WDR86: variants seen among roughly 807,000 people sequenced by gnomAD.
WDR86 encodes WD repeat-containing protein 86.
Under a neutral mutation model 36.5 loss-of-function variants are expected in WDR86, and 30 were observed. The observed-to-expected ratio is 0.82, with a 90% CI of 0.61 to 1.11. The LOEUF is 1.11. Among genes scored for constraint, WDR86 ranks in the 50% most tolerant of loss-of-function variants. The pLI is 0.00. For synonymous variants in WDR86, 255 were observed against 252.9 expected, an observed-to-expected ratio of 1.01 and a Z score of -0.08; for missense variants, 545 against 561.2, an observed-to-expected ratio of 0.97 and a Z score of 0.29.
intron 1 of WDR86, among the ~76,000 whole-genome samples, chr7:151,400,812 G>A (rs1490693407): frequency 1.3e-5 from 2 of 152,246 alleles, no homozygotes; most frequent in East Asian, 1.9e-4. Flanking sequence ...TGGCGACTGC[G>A]CCGTCAACAC....
At chr7:151,384,841 C>T (rs1339269120) in intron 4 of WDR86, among the ~76,000 whole-genome samples, 1 of 152,192 alleles carries the variant, frequency 6.6e-6, no homozygotes, top group South Asian at 2.1e-4. Context: ...TGACCCTAGA[C>T]CCTCCCAGCA....
Position 151,381,795 on chromosome 7 carries a change from A to T in WDR86, c.967-49T>A. 1 of 1,127,652 alleles carries T rather than the reference A, an allele frequency of 8.9e-7. No homozygotes were observed. The highest frequency in any genetic ancestry group is 1.2e-6 in the Non-Finnish European group (1 of 837,522). The allele number at this position is 1,127,652 out of a possible 1,614,324, so 69.9% of individuals were successfully genotyped here. On this transcript the variant is annotated intron_variant, in intron 5 of 5. Coordinates refer to ENST00000334493, the MANE Select transcript of WDR86 (RefSeq NM_198285.3). This position sits in a 1 kb window ranked among gnomAD's most constrained non-coding sequence, Gnocchi z 4.8. Reference sequence around the variant, plus strand: ...ACCGGTGACGCGGTAGGCGGGGGGGACACCGCTGCCCGCGTGGATGGATCG... The same window carrying T: ...ACCGGTGACGCGGTAGGCGGGGGGGTCACCGCTGCCCGCGTGGATGGATCG...
At position 151,388,630 on chromosome 7, in the gene WDR86, T is replaced by A. The variant is rs1799166213; in HGVS notation, c.727-3407A>T. Among the ~76,000 whole-genome samples the A allele has an allele frequency of 6.6e-6, 1 of 152,212 alleles. No individual in the cohort carries two copies. The highest frequency in any genetic ancestry group is 1.5e-5 in the Non-Finnish European group (1 of 68,032). On this transcript the variant is annotated intron_variant, in intron 3 of 5. Coordinates refer to ENST00000334493, the MANE Select transcript of WDR86 (RefSeq NM_198285.3). This position sits in a 1 kb window ranked among gnomAD's most constrained non-coding sequence, Gnocchi z 4.2. ...CTGAGATCGGTGGCTCAGCCCTGCA[T>A]GCAGTCCTGTAAAAGGCGAGGGAGG...
chr7:151,386,970 C>G (rs1042556705), intron 3 of WDR86, among the ~76,000 whole-genome samples: 7 of 152,236 alleles, frequency 4.6e-5, no homozygotes, highest in Non-Finnish European at 8.8e-5. Flanking sequence ...GCCCAGGATC[C>G]TTCTTCGCAC....
intron 1 of WDR86, among the ~76,000 whole-genome samples, chr7:151,403,895 A>T (rs926636879): frequency 1.3e-5 from 2 of 152,200 alleles, no homozygotes; most frequent in Non-Finnish European, 2.9e-5. Context: ...TGCTGTGGGC[A>T]TTCAGGTGCC....
Position 151,388,147 on chromosome 7 carries a change from T to C in WDR86, c.727-2924A>G, listed in dbSNP as rs1263228872. Among the ~76,000 whole-genome samples the C allele has an allele frequency of 6.6e-6, 1 of 152,242 alleles. No homozygotes were observed. The highest frequency in any genetic ancestry group is 1.5e-5 in the Non-Finnish European group (1 of 68,046). ...AGAGACTGCCCCACGACATCCTTGC[T>C]GTGGTCCCCACCACCTCGGGCTCCC... is the stretch of plus-strand genomic sequence containing the variant. On this transcript the variant is annotated intron_variant, in intron 3 of 5. Transcript: ENST00000334493. This position sits in a 1 kb window ranked among gnomAD's most constrained non-coding sequence, Gnocchi z 4.2.
chr7:151,379,727 C>T (rs1798465879), downstream of WDR86, among the ~76,000 whole-genome samples: 2 of 152,148 alleles, frequency 1.3e-5, no homozygotes, highest in South Asian at 4.1e-4. Context: ...GTCCATGCCC[C>T]ACTGGGTTTC....
chr7:151,383,173 C>CG (rs1798725700), intron 4 of WDR86, among the ~76,000 whole-genome samples: 31 of 22,492 alleles, frequency 1.4e-3, no homozygotes, highest in South Asian at 3.2e-3. Context: ...AACGGGGCGG[C>CG]GGGGTGGGGG....
At chr7:151,377,245 C>T, downstream of WDR86, 1 of 1,467,290 alleles carries the variant, frequency 6.8e-7, no homozygotes. Flanking sequence ...AGAAATAGCG[C>T]TAATTTTCTG....
chr7:151,382,979 C>CTTTTTTT (rs58266298), intron 4 of WDR86, among the ~76,000 whole-genome samples: 1 of 141,220 alleles, frequency 7.1e-6, no homozygotes. Context: ...GTTCCCCAGC[C>CTTTTTTT]TTTTTTTTTT....
intron 3 of WDR86, among the ~76,000 whole-genome samples, chr7:151,389,053 A>G (rs1036296110): frequency 6.6e-6 from 1 of 151,900 alleles, no homozygotes; most frequent in Non-Finnish European, 1.5e-5. Context: ...ACAGTGAGAA[A>G]TACATTTCTA....
chr7:151,395,494 GACACACACACACACACACACACAC>G (rs57122668), intron 3 of WDR86, among the ~76,000 whole-genome samples: 3 of 147,060 alleles, frequency 2.0e-5, no homozygotes, highest in Admixed American at 2.0e-4. Flanking sequence ...AAGAGATTAG[GACACACACACACACACACACACAC>G]ACACACACAC....
chr7:151,375,214 T>C (rs922815036), downstream of WDR86, among the ~76,000 whole-genome samples: 7 of 152,346 alleles, frequency 4.6e-5, no homozygotes, highest in African/African-American at 1.4e-4. Flanking sequence ...ATTTAACATA[T>C]ACGTTAAATT....
At chr7:151,393,625 G>A (rs1457965548) in intron 3 of WDR86, among the ~76,000 whole-genome samples, 3 of 152,124 alleles carry the variant, frequency 2.0e-5, no homozygotes, top group African/African-American at 4.8e-5. Context: ...GCCTCCCAGC[G>A]AACTCCTGGC....
chr7:151,386,518 C>T (rs1248490771), intron 3 of WDR86, among the ~76,000 whole-genome samples: 1 of 152,156 alleles, frequency 6.6e-6, no homozygotes, highest in African/African-American at 2.4e-5. Context: ...AGGCAGCCTC[C>T]CTAACTGGAT....
chr7:151,383,184 G>C (rs972205648), intron 4 of WDR86, among the ~76,000 whole-genome samples: 97 of 149,714 alleles, frequency 6.5e-4, no homozygotes, highest in African/African-American at 2.1e-3. Context: ...GGGGTGGGGG[G>C]GGGGAGCTGG....
chr7:151,393,375 C>T (rs749161836), intron 3 of WDR86, among the ~76,000 whole-genome samples: 4 of 152,126 alleles, frequency 2.6e-5, no homozygotes, highest in Non-Finnish European at 5.9e-5. Context: ...GCCAGGACAC[C>T]CTACGCTCCC....
At chr7:151,376,253 C>T, downstream of WDR86, 1 of 466,390 alleles carries the variant, frequency 2.1e-6, no homozygotes, top group Non-Finnish European at 3.9e-6. Flanking sequence ...GCACTGTGAC[C>T]TGGGAAACCC....
downstream of WDR86, chr7:151,375,887 T>C (rs1387648727): frequency 1.2e-6 from 2 of 1,613,270 alleles, no homozygotes; most frequent in Non-Finnish European, 1.7e-6. Context: ...GTTAAATGAT[T>C]CCAATCCTGA....
Sources: allele counts gnomAD v4.1 joint callset (sites outside exome capture counted in the v4.1 genomes callset), GRCh38; gene constraint gnomAD v4.1.1; non-coding constraint Gnocchi (gnomAD v3.1); transcripts MANE v1.5; gene names NCBI Gene and HGNC (gene_info 2026-07-23, HGNC 2026-07-21).